CRCP: variants seen among roughly 807,000 people sequenced by gnomAD.
The protein encoded by CRCP is CGRP receptor component, also known as DNA-directed RNA polymerase III subunit RPC9.
A neutral mutation model predicts 18.5 loss-of-function variants in CRCP; 18 were observed. The observed-to-expected ratio is 0.97, with a 90% confidence interval of 0.67 to 1.44. The LOEUF (loss-of-function observed/expected upper bound fraction) is 1.44, where lower values mean the gene tolerates loss of function less well. Among genes scored for constraint, CRCP ranks in the 40% most tolerant of loss-of-function variants. The pLI, the probability that CRCP is intolerant of heterozygous loss-of-function variation, is 0.00. For missense variants in CRCP, 130 were observed against 176.4 expected, an observed-to-expected ratio of 0.74 and a Z score of 1.49; for synonymous variants, 53 against 62.9, an observed-to-expected ratio of 0.84 and a Z score of 0.75.
At chr7:66,149,128 C>T (rs916932412) in intron 5 of CRCP, among the ~76,000 whole-genome samples, 5 of 152,054 alleles carry the variant, frequency 3.3e-5, no homozygotes, top group African/African-American at 1.2e-4. Context: ...GTTTTATTTC[C>T]CCTTATGTTC....
chr7:66,131,462 G>T (rs1031162492), intron 3 of CRCP, among the ~76,000 whole-genome samples: 2 of 152,240 alleles, frequency 1.3e-5, no homozygotes, highest in African/African-American at 4.8e-5. Context: ...AGCTTCCCAA[G>T]TAGCTGGGAC....
chr7:66,147,550 T>C (rs1017522175), intron 5 of CRCP, among the ~76,000 whole-genome samples: 1 of 152,160 alleles, frequency 6.6e-6, no homozygotes, highest in Non-Finnish European at 1.5e-5. Flanking sequence ...AGCCAGGTAC[T>C]TGTGCTTGAT....
chr7:66,131,256 G>A (rs1001314887), intron 3 of CRCP, among the ~76,000 whole-genome samples: 1 of 152,070 alleles, frequency 6.6e-6, no homozygotes, highest in South Asian at 2.1e-4. Flanking sequence ...TTACAGGCAT[G>A]AGCCACCGCG....
At chr7:66,142,547 G>A (rs1405169638) in intron 4 of CRCP, among the ~76,000 whole-genome samples, 4 of 152,182 alleles carry the variant, frequency 2.6e-5, no homozygotes, top group Non-Finnish European at 4.4e-5. Context: ...AGACTGGAGT[G>A]CAGTGGTGTG....
At chr7:66,147,110 G>A (rs766188794) in intron 5 of CRCP, among the ~76,000 whole-genome samples, 2 of 152,134 alleles carry the variant, frequency 1.3e-5, no homozygotes, top group Non-Finnish European at 2.9e-5. Flanking sequence ...GAGAGGCCAA[G>A]GTGGGCAGAT....
intron 1 of CRCP, among the ~76,000 whole-genome samples, chr7:66,122,177 C>T (rs1156967395): frequency 6.6e-6 from 1 of 151,990 alleles, no homozygotes; most frequent in Non-Finnish European, 1.5e-5. Context: ...AGATCAAGAC[C>T]ATCCTGGCTA....
chr7:66,120,292 T>C (rs981101287), intron 1 of CRCP, among the ~76,000 whole-genome samples: 15 of 152,238 alleles, frequency 9.9e-5, no homozygotes, highest in Admixed American at 9.8e-4. Flanking sequence ...AAGCCGACTG[T>C]ATAAATTCAT....
At chr7:66,146,488 T>C (rs569676696) in intron 5 of CRCP, among the ~76,000 whole-genome samples, 32 of 151,668 alleles carry the variant, frequency 2.1e-4, no homozygotes, top group Admixed American at 5.3e-4. Context: ...ATTAACAAAA[T>C]GAGAATAAAG....
At chr7:66,118,304 CA>C (rs1787334660) in intron 1 of CRCP, among the ~76,000 whole-genome samples, 1 of 152,206 alleles carries the variant, frequency 6.6e-6, no homozygotes, top group African/African-American at 2.4e-5. Flanking sequence ...TGTCCCTTTT[CA>C]AAGTTGCCTT....
intron 1 of CRCP, chr7:66,119,655 C>A (rs1359818227): frequency 1.3e-5 from 2 of 152,186 alleles, no homozygotes; most frequent in Non-Finnish European, 2.9e-5. Flanking sequence ...GAAAACCCCA[C>A]ACATCTGGTC....
intron 1 of CRCP, among the ~76,000 whole-genome samples, chr7:66,122,167 A>G (rs1173934127): frequency 6.6e-6 from 1 of 152,138 alleles, no homozygotes. Context: ...CAAGGTCAGG[A>G]GATCAAGACC....
chr7:66,137,110 A>G (rs1787994088), intron 4 of CRCP, among the ~76,000 whole-genome samples: 1 of 151,898 alleles, frequency 6.6e-6, no homozygotes, highest in Non-Finnish European at 1.5e-5. Context: ...ATAATTTAAG[A>G]TCAGTCAAAG....
intron 5 of CRCP, among the ~76,000 whole-genome samples, chr7:66,145,956 C>A (rs1456198779): frequency 6.6e-6 from 1 of 152,232 alleles, no homozygotes; most frequent in African/African-American, 2.4e-5. Flanking sequence ...CCTGGCCTGG[C>A]CTCCCACGCC....
intron 2 of CRCP, among the ~76,000 whole-genome samples, chr7:66,128,289 G>A (rs369587872): frequency 1.3e-5 from 2 of 152,070 alleles, no homozygotes; most frequent in Admixed American, 6.6e-5. Flanking sequence ...TTTAGAGGGG[G>A]CAACCTTCTC....
chr7:66,143,081 T>TC (rs1434011850), intron 4 of CRCP, among the ~76,000 whole-genome samples: 4 of 152,138 alleles, frequency 2.6e-5, no homozygotes, highest in African/African-American at 9.7e-5. Context: ...CCCTCACTCC[T>TC]CCTCCCTGAT....
At chr7:66,119,965 G>A (rs1787385824) in intron 1 of CRCP, among the ~76,000 whole-genome samples, 1 of 152,076 alleles carries the variant, frequency 6.6e-6, no homozygotes, top group Non-Finnish European at 1.5e-5. Flanking sequence ...GGCGGATCAT[G>A]AGGTCAGGAG....
At chr7:66,116,652 C>T (rs1382000247) in intron 1 of CRCP, among the ~76,000 whole-genome samples, 1 of 152,074 alleles carries the variant, frequency 6.6e-6, no homozygotes, top group East Asian at 1.9e-4. Flanking sequence ...GCATACAACC[C>T]TGCTTTAGAG....
intron 2 of CRCP, among the ~76,000 whole-genome samples, chr7:66,128,109 T>C (rs1319030483): frequency 1.0e-5 from 1 of 99,696 alleles, no homozygotes; most frequent in African/African-American, 3.7e-5. Context: ...ACCAAGGCTC[T>C]GTCTCAAAAA....
Position 66,152,488 on chromosome 7 carries a change from A to G in CRCP, c.*131A>G, listed in dbSNP as rs1237328019. The G allele has an allele frequency of 2.1e-6, 2 of 937,790 alleles. No individual in the cohort carries two copies. Among genetic ancestry groups the G allele is most frequent in the South Asian group, 1.7e-5 (1 of 58,192 alleles). The allele number at this position is 937,790 out of a possible 1,614,324, so 58.1% of individuals were successfully genotyped here. A position where few individuals can be genotyped will look rare whatever the true frequency, so the allele number is the denominator to read the frequency against. ...CCTGGCTTTGTGGTTAGTTGGGTAC[A>G]TCACAAAAATAAGTTAAAAAGAAAT... On this transcript the variant is annotated 3_prime_UTR_variant, in exon 6 of 6. Transcript: ENST00000395326.
Sources: allele counts gnomAD v4.1 joint callset (sites outside exome capture counted in the v4.1 genomes callset), GRCh38; gene constraint gnomAD v4.1.1; transcripts MANE v1.5; gene names NCBI Gene and HGNC (gene_info 2026-07-23, HGNC 2026-07-21).